The following BCKDHB variants were observed in gnomAD, a reference collection of about 807,000 sequenced individuals.
The protein encoded by BCKDHB is branched chain keto acid dehydrogenase E1 subunit beta.
Under a neutral mutation model 48.5 loss-of-function variants are expected in BCKDHB, and 41 were observed. The observed-to-expected ratio is 0.85, with a 90% CI of 0.66 to 1.10. The LOEUF is 1.10. BCKDHB is among the 50% of genes least tolerant of loss of function. The probability of loss-of-function intolerance (pLI) is 0.00; values close to 1 mark genes in which losing one functional copy is unlikely to be tolerated. For missense variants in BCKDHB, 496 were observed against 494.2 expected, an observed-to-expected ratio of 1.00 and a Z score of -0.03; for synonymous variants, 201 against 174.8, an observed-to-expected ratio of 1.15 and a Z score of -1.18.
chr6:80,398,597 T>C, the BCKDHB span, among the ~76,000 whole-genome samples: 2 of 150,418 alleles, frequency 1.3e-5, no homozygotes, highest in African/African-American at 4.9e-5. Context: ...CAGCAATAAA[T>C]AGCCTACAAA....
At chr6:80,227,724 T>A (rs1365665158) in intron 8 of BCKDHB, among the ~76,000 whole-genome samples, 2 of 152,170 alleles carry the variant, frequency 1.3e-5, no homozygotes, top group Non-Finnish European at 2.9e-5. Context: ...GAGTCCTGTG[T>A]TTATGAATCT....
intron 8 of BCKDHB, among the ~76,000 whole-genome samples, chr6:80,272,522 A>G (rs559326439): frequency 6.6e-6 from 1 of 152,278 alleles, no homozygotes; most frequent in South Asian, 2.1e-4. Flanking sequence ...CACAGTGTGG[A>G]CAACCACATT....
chr6:80,373,467 G>T, the BCKDHB span, among the ~76,000 whole-genome samples: 1 of 151,832 alleles, frequency 6.6e-6, no homozygotes, highest in Admixed American at 6.6e-5. Flanking sequence ...AGTTCTTCTA[G>T]GCTCTTTGTT....
intron 9 of BCKDHB, among the ~76,000 whole-genome samples, chr6:80,283,747 A>G (rs756730193): frequency 6.6e-6 from 1 of 152,086 alleles, no homozygotes; most frequent in Non-Finnish European, 1.5e-5. Context: ...TGGATTTAAA[A>G]TATTTTCTTA....
At chr6:80,426,959 C>CT in the BCKDHB span, among the ~76,000 whole-genome samples, 1 of 151,940 alleles carries the variant, frequency 6.6e-6, no homozygotes, top group Non-Finnish European at 1.5e-5. Flanking sequence ...TTTTATATTT[C>CT]TTTTCTCAGT....
At chr6:80,426,577 A>G in the BCKDHB span, among the ~76,000 whole-genome samples, 2 of 152,006 alleles carry the variant, frequency 1.3e-5, no homozygotes, top group African/African-American at 4.8e-5. Flanking sequence ...GTCTTCTTTG[A>G]CCCATGGGTT....
intron 1 of BCKDHB, among the ~76,000 whole-genome samples, chr6:80,107,549 ATATATATGCATATATATATGCATATATG>A (rs1444122217): frequency 7.5e-6 from 1 of 134,224 alleles, no homozygotes; most frequent in East Asian, 2.1e-4. Context: ...ATATGCACAC[ATATATATGCATATATATATGCATATATG>A]TATATATGTC....
At chr6:80,298,842 G>T (rs2127989866) in intron 9 of BCKDHB, among the ~76,000 whole-genome samples, 1 of 152,314 alleles carries the variant, frequency 6.6e-6, no homozygotes, top group Admixed American at 6.5e-5. Flanking sequence ...CAGAAGTTCA[G>T]TCTGCTGTTT....
chr6:80,364,492 CT>C, the BCKDHB span, among the ~76,000 whole-genome samples: 1 of 152,146 alleles, frequency 6.6e-6, no homozygotes, highest in Admixed American at 6.5e-5. Context: ...GACAGCCCTA[CT>C]TTCTGATGTT....
chr6:80,151,900 A>G lies in BCKDHB; in HGVS notation c.344-15778A>G, dbSNP rs548613433. Among the ~76,000 whole-genome samples, 35 of 152,286 alleles carry G rather than the reference A, an allele frequency of 2.3e-4. No individual in the cohort carries two copies. The South Asian group carries it at 7.3e-3, about 32-fold the overall frequency. On this transcript the variant is annotated intron_variant, in intron 3 of 9. Transcript: ENST00000320393. ...TGGCATGCTGTTTTCACTTATAGTC[A>G]GGAATCAGCTGGAGGAATTTGTGTG...
At chr6:80,308,738 G>A (rs1371326432) in intron 9 of BCKDHB, among the ~76,000 whole-genome samples, 1 of 151,820 alleles carries the variant, frequency 6.6e-6, no homozygotes, top group Non-Finnish European at 1.5e-5. Context: ...GGGACTACAG[G>A]CGCCCGCCAC....
chr6:80,412,964 T>G, the BCKDHB span, among the ~76,000 whole-genome samples: 1 of 152,160 alleles, frequency 6.6e-6, no homozygotes, highest in South Asian at 2.1e-4. Flanking sequence ...ACAGTTTGAT[T>G]ATAATGTGAC....
At chr6:80,401,980 T>C in the BCKDHB span, among the ~76,000 whole-genome samples, 1 of 151,844 alleles carries the variant, frequency 6.6e-6, no homozygotes, top group African/African-American at 2.4e-5. Context: ...ATATTGTATA[T>C]TGTGTGTTCT....
chr6:80,166,392 A>G (rs780550827), intron 3 of BCKDHB, among the ~76,000 whole-genome samples: 7 of 152,176 alleles, frequency 4.6e-5, no homozygotes, highest in Admixed American at 2.6e-4. Flanking sequence ...CCGGTAGCTC[A>G]TGCCTGTAAT....
chr6:80,199,415 C>A lies in BCKDHB; in HGVS notation c.743-1519C>A, dbSNP rs912588917. On this transcript the variant is annotated intron_variant, in intron 6 of 9. Transcript: ENST00000320393. ...AATATACATATATAATAAAAAAGTC[C>A]ATGGGGAAAATGAACAAAAGGGAAC... Among the ~76,000 whole-genome samples, 3 of 151,902 alleles carry A rather than the reference C, an allele frequency of 2.0e-5. No homozygotes were observed. The East Asian group carries it at 5.8e-4, about 29-fold the overall frequency.
the BCKDHB span, among the ~76,000 whole-genome samples, chr6:80,369,265 G>A: frequency 6.6e-6 from 1 of 152,292 alleles, no homozygotes; most frequent in African/African-American, 2.4e-5. Flanking sequence ...TACAGAAATT[G>A]TAATTTGATG....
chr6:80,154,514 G>C (rs566180160), intron 3 of BCKDHB, among the ~76,000 whole-genome samples: 32 of 152,128 alleles, frequency 2.1e-4, no homozygotes, highest in Non-Finnish European at 2.8e-4. Context: ...GTGACAAACA[G>C]CACTTTGTTC....
At chr6:80,312,394 CTCTT>C (rs1488787590) in intron 9 of BCKDHB, among the ~76,000 whole-genome samples, 3 of 152,180 alleles carry the variant, frequency 2.0e-5, no homozygotes, top group Admixed American at 6.5e-5. Flanking sequence ...GACTTCCTCT[CTCTT>C]TATTTGAATA....
Position 80,149,134 on chromosome 6 carries a change from A to G in BCKDHB, c.344-18544A>G, listed in dbSNP as rs186291498. Among the ~76,000 whole-genome samples the G allele has an allele frequency of 6.9e-3, 1,046 of 152,248 alleles. 7 individuals carry two copies. Among genetic ancestry groups the G allele is most frequent in the African/African-American group, 0.024 (986 of 41,550 alleles). ...CAAACAAATTTACAAGAAAAAGACA[A>G]ACAACCCCATCAAAAAGTGGGCGAA... is the stretch of plus-strand genomic sequence containing the variant. On this transcript the variant is annotated intron_variant, in intron 3 of 9. Coordinates refer to ENST00000320393, the MANE Select transcript of BCKDHB (RefSeq NM_183050.4).
Sources: gnomAD v4.1 joint callset for allele counts (sites outside exome capture counted in the v4.1 genomes callset) on GRCh38, gnomAD v4.1.1 for gene constraint, MANE v1.5 for transcripts, NCBI Gene and HGNC (gene_info 2026-07-23, HGNC 2026-07-21) for gene names.